The following DSG3 variants were observed in gnomAD, a reference collection of about 807,000 sequenced individuals.
DSG3 encodes the protein desmoglein 3, also known as desmoglein-3.
DSG3 carries 63 observed loss-of-function variants against 85.9 expected under a neutral mutation model. The observed-to-expected ratio is 0.73, with a 90% CI of 0.60 to 0.90. DSG3 has a LOEUF of 0.90. Ranked by LOEUF, DSG3 falls within the 40% of genes least tolerant of loss-of-function variation. DSG3 has a pLI of 0.00. For synonymous variants in DSG3, 447 were observed against 441.9 expected, an observed-to-expected ratio of 1.01 and a Z score of -0.14; for missense variants, 1,220 against 1,219.9, an observed-to-expected ratio of 1.00 and a Z score of 0.00.
In DSG3 at chr18:31,447,755, G is replaced by A; in HGVS notation, c.-123G>A. 1 of 717,024 alleles carries A rather than the reference G, an allele frequency of 1.4e-6. No individual in the cohort carries two copies. The highest frequency in any genetic ancestry group is 2.2e-6 in the Non-Finnish European group (1 of 453,378). The allele number at this position is 717,024 out of a possible 1,614,324, so 44.4% of individuals were successfully genotyped here. The stretch of plus-strand genomic sequence containing the variant: ...GGAGGGACCGCATAACAGACCATCT[G>A]TAGACTCCTTCGGAAAGCAGCAGAG... On this transcript the variant is annotated 5_prime_UTR_variant, in exon 1 of 16. Coordinates refer to ENST00000257189, the MANE Select transcript of DSG3 (RefSeq NM_001944.3).
At chr18:31,448,901 T>A (rs562712130) in intron 1 of DSG3, among the ~76,000 whole-genome samples, 190 of 152,064 alleles carry the variant, frequency 1.2e-3, no homozygotes, top group African/African-American at 4.3e-3. Flanking sequence ...TCCCTAAGAT[T>A]TTTGTTTTTG....
intron 9 of DSG3, 89 bp from the exon 10 acceptor site, chr18:31,465,229 A>C (rs1311572821): frequency 1.1e-6 from 1 of 899,210 alleles, no homozygotes; most frequent in African/African-American, 1.8e-5. Flanking sequence ...TTAAATATGA[A>C]TATACTAAAT....
intron 11 of DSG3, among the ~76,000 whole-genome samples, chr18:31,468,152 A>G (rs1272065747): frequency 6.6e-6 from 1 of 152,232 alleles, no homozygotes; most frequent in African/African-American, 2.4e-5. Context: ...TAAAAAGGCA[A>G]CATAGCAATG....
intron 12 of DSG3, 65 bp downstream of exon 12, chr18:31,469,414 G>T: frequency 6.3e-7 from 1 of 1,587,606 alleles, no homozygotes; most frequent in Middle Eastern, 2.3e-4. Flanking sequence ...CCTCCATGCT[G>T]CCCTGCTCAT....
Position 31,457,551 on chromosome 18 carries a change from T to C in DSG3, c.216+427T>C, listed in dbSNP as rs200409883. ...TCTTTCTTTCTTTCTTTCTTTCTCTTTCTTTCTTTCTTTCTTTCTTTCTTT... is the reference window on the plus strand; with the variant it reads ...TCTTTCTTTCTTTCTTTCTTTCTCTCTCTTTCTTTCTTTCTTTCTTTCTTT... On this transcript the variant is annotated intron_variant, in intron 3 of 15. Coordinates refer to ENST00000257189, the MANE Select transcript of DSG3 (RefSeq NM_001944.3). Among the ~76,000 whole-genome samples the C allele has an allele frequency of 3.2e-3, 353 of 110,232 alleles. 1 individual carries two copies. The highest frequency in any genetic ancestry group is 0.016 in the South Asian group (52 of 3,268). 72.3% of individuals were successfully genotyped at this position (110,232 alleles called of 152,430 possible). A position where few individuals can be genotyped will look rare whatever the true frequency, so the allele number is the denominator to read the frequency against.
At chr18:31,461,512 T>C in intron 8 of DSG3, 100 bp downstream of exon 8, 1 of 1,135,538 alleles carries the variant, frequency 8.8e-7, no homozygotes. Flanking sequence ...ATCACTTTAT[T>C]ACAGAAAACA....
At chr18:31,448,089 T>C (rs1441422698) in intron 1 of DSG3, among the ~76,000 whole-genome samples, 164 bp downstream of exon 1, 1 of 124,020 alleles carries the variant, frequency 8.1e-6, no homozygotes, top group East Asian at 2.0e-4. Context: ...CCTTCTTTTG[T>C]TGTTTTTTAT....
Position 31,459,950 on chromosome 18 carries a change from T to C in DSG3, c.623T>C (p.Met208Thr). The C allele has an allele frequency of 1.2e-6, 2 of 1,614,112 alleles. No homozygotes were observed. The highest frequency in any genetic ancestry group is 8.5e-7 in the Non-Finnish European group (1 of 1,179,996). Residue 208 changes from methionine to threonine, a missense_variant, in exon 6 of 16, where the codon ATG (methionine) becomes ACG (threonine). Transcript: ENST00000257189. ...TCTCAGGAACCAGCAGGCACACCCA[T>C]GTTCCTCCTAAGCAGAAACACTGGG... ...IVSQEPAGTPMFLLSRNTGEV... is the reference protein window; with the variant it reads ...IVSQEPAGTPTFLLSRNTGEV...
chr18:31,473,752 T>G (rs968493479), intron 14 of DSG3, among the ~76,000 whole-genome samples: 2 of 152,096 alleles, frequency 1.3e-5, no homozygotes, highest in African/African-American at 4.8e-5. Context: ...GTTTCCATAC[T>G]GAGCTCATAG....
intron 1 of DSG3, among the ~76,000 whole-genome samples, chr18:31,452,798 C>A (rs1219049143): frequency 1.3e-5 from 2 of 152,116 alleles, no homozygotes; most frequent in African/African-American, 4.8e-5. Flanking sequence ...GATTTAAATT[C>A]AGTGATTCAG....
At chr18:31,449,827 A>G (rs1477108638) in intron 1 of DSG3, among the ~76,000 whole-genome samples, 1 of 152,180 alleles carries the variant, frequency 6.6e-6, no homozygotes, top group Non-Finnish European at 1.5e-5. Flanking sequence ...TCTGTCCCAT[A>G]TGGTAGCCAC....
chr18:31,475,542 C>G (rs2072880829), intron 15 of DSG3, 104 bp from the exon 16 acceptor site: 23 of 1,340,590 alleles, frequency 1.7e-5, no homozygotes, highest in Non-Finnish European at 2.3e-5. Flanking sequence ...TATGGATTAC[C>G]TAGTTTGGGC....
chr18:31,458,951 A>G, intron 4 of DSG3, 82 bp from the exon 5 acceptor site: 1 of 1,491,228 alleles, frequency 6.7e-7, no homozygotes, highest in Non-Finnish European at 9.1e-7. Context: ...TGTCCATGCC[A>G]ACAGAGGCCT....
At chr18:31,449,609 A>G (rs1407874315) in intron 1 of DSG3, among the ~76,000 whole-genome samples, 1 of 152,180 alleles carries the variant, frequency 6.6e-6, no homozygotes. Flanking sequence ...GTGGACATGC[A>G]ATTGTTTGAA....
chr18:31,476,127 C>A lies in DSG3; in HGVS notation c.2867C>A (p.Thr956Lys), dbSNP rs762198178. The change falls in exon 16 of 16, where the codon ACA becomes AAA. Residue 956 changes from threonine (T) to lysine (K), a missense_variant. Thr to Lys is a moderately conservative substitution (Grantham distance 78, BLOSUM62 -1). Coordinates refer to ENST00000257189, the MANE Select transcript of DSG3 (RefSeq NM_001944.3). ...ACTGCAGGCTTTGATCCACTTCTCACACAAAATGTGATAGTGACAGAAAGG... is the reference window on the plus strand; with the variant it reads ...ACTGCAGGCTTTGATCCACTTCTCAAACAAAATGTGATAGTGACAGAAAGG... Reference protein sequence around the residue: ...PSTAGFDPLLTQNVIVTERVI... With the variant: ...PSTAGFDPLLKQNVIVTERVI... The A allele has an allele frequency of 6.2e-7, 1 of 1,614,206 alleles. No individual in the cohort carries two copies. Among genetic ancestry groups the A allele is most frequent in the Non-Finnish European group, 8.5e-7 (1 of 1,180,036 alleles).
At chr18:31,460,032 G>A in intron 6 of DSG3, 21 bp downstream of exon 6, 1 of 1,592,876 alleles carries the variant, frequency 6.3e-7, no homozygotes. Flanking sequence ...GCACTTGGGG[G>A]AACATTCAAG....
In DSG3 at chr18:31,469,125, C is replaced by G. The variant is rs370252237; in HGVS notation, c.1673C>G (p.Pro558Arg). 7.4e-6 allele frequency: 12 copies of G among 1,614,062 alleles called. No homozygotes were observed. The highest frequency in any genetic ancestry group is 1.7e-5 in the Admixed American group (1 of 60,002). The change falls in exon 12 of 16, where the codon CCT becomes CGT. Residue 558 changes from proline to arginine, a missense_variant. Pro to Arg is a moderately radical substitution (Grantham distance 103). Transcript: ENST00000257189. ...SALLRAQEQI[P>R]PGVYHISLVL... The stretch of plus-strand genomic sequence containing the variant: ...CTCCTCAGAGCCCAGGAACAGATAC[C>G]TCCTGGAGTATACCACATCTCCCTG...
At chr18:31,459,269 C>T in intron 5 of DSG3, 92 bp downstream of exon 5, 2 of 1,212,928 alleles carry the variant, frequency 1.6e-6, no homozygotes, top group Non-Finnish European at 2.3e-6. Flanking sequence ...CTAATTTATG[C>T]TCTTAGTTTA....
chr18:31,459,524 A>G (rs1293066914), intron 5 of DSG3, among the ~76,000 whole-genome samples: 1 of 152,158 alleles, frequency 6.6e-6, no homozygotes, highest in Admixed American at 6.5e-5. Context: ...ACAGAGACAC[A>G]CTCACATTAC....
Sources: allele counts gnomAD v4.1 joint callset (sites outside exome capture counted in the v4.1 genomes callset), GRCh38; gene constraint gnomAD v4.1.1; transcripts MANE v1.5; gene names NCBI Gene and HGNC (gene_info 2026-07-23, HGNC 2026-07-21).